The following TRIB3 variants were observed in gnomAD, a reference collection of about 807,000 sequenced individuals.
TRIB3 encodes the protein tribbles pseudokinase 3.
A neutral mutation model predicts 16.6 loss-of-function variants in TRIB3; 20 were observed. The ratio of observed to expected loss-of-function variants is 1.20; its 90% CI spans 0.85 to 1.75. The LOEUF (loss-of-function observed/expected upper bound fraction) is 1.75. Ranked by LOEUF, TRIB3 falls within the 40% of genes most tolerant of loss-of-function variation. The pLI is 0.00. For missense variants in TRIB3, 484 were observed against 488.9 expected, an observed-to-expected ratio of 0.99 and a Z score of 0.10; for synonymous variants, 208 against 217.0, an observed-to-expected ratio of 0.96 and a Z score of 0.36.
Position 388,206 on chromosome 20 carries a change from T to C in TRIB3, c.196T>C (p.Ser66Pro), listed in dbSNP as rs1336917158. The C allele has an allele frequency of 6.2e-7, 1 of 1,613,932 alleles. No individual in the cohort carries two copies. Among genetic ancestry groups the C allele is most frequent in the East Asian group, 2.2e-5 (1 of 44,870 alleles). Residue 66 changes from serine to proline, a missense_variant, in exon 2 of 4, where the codon TCC becomes CCC. Physicochemically the swap from Ser to Pro is moderately conservative, Grantham distance 74. Coordinates refer to ENST00000217233, the MANE Select transcript of TRIB3 (RefSeq NM_021158.5). ...TCGTGCAACTGCTGTGGCCACTGCC[T>C]CCCGTCTTGGGCCCTATGTCCTCCT... The part of the protein sequence containing the change: ...PDRATAVATA[S>P]RLGPYVLLEP...
intron 3 of TRIB3, among the ~76,000 whole-genome samples, chr20:394,820 CAT>C (rs2015082178): frequency 6.6e-6 from 1 of 151,712 alleles, no homozygotes; most frequent in African/African-American, 2.4e-5. Flanking sequence ...AGAAAAATCA[CAT>C]GAGAGTCATT....
rs1441491184 is a variant in TRIB3 at position 380,922 on chromosome 20, G to C, written c.-248G>C. The C allele has an allele frequency of 6.7e-6, 1 of 149,402 alleles. No individual in the cohort carries two copies. The highest frequency in any genetic ancestry group is 1.5e-5 in the Non-Finnish European group (1 of 67,792). The allele number at this position is 149,402 out of a possible 1,614,324, so 9.3% of individuals were successfully genotyped here. On this transcript the variant is annotated 5_prime_UTR_variant, in exon 1 of 4. Coordinates refer to ENST00000217233, the MANE Select transcript of TRIB3 (RefSeq NM_021158.5). Reference sequence around the variant, plus strand: ...TCACCCGGACCGGGGGATTAGCTCCGGTTTGCATCACCCGGACCGGGGGAT... The same window carrying C: ...TCACCCGGACCGGGGGATTAGCTCCCGTTTGCATCACCCGGACCGGGGGAT...
Position 380,902 on chromosome 20 carries a change from CGG to C in TRIB3, c.-267_-266del. The C allele has an allele frequency of 9.1e-6, 1 of 109,876 alleles. No homozygotes were observed. The highest frequency in any genetic ancestry group is 4.1e-5 in the African/African-American group (1 of 24,598). The allele number at this position is 109,876 out of a possible 1,614,324, so 6.8% of individuals were successfully genotyped here. On this transcript the variant is annotated 5_prime_UTR_variant, in exon 1 of 4. An upstream open reading frame in the 5' UTR gains an earlier in-frame stop. Coordinates refer to ENST00000217233, the MANE Select transcript of TRIB3 (RefSeq NM_021158.5). ...CTGATTAGCTCCGGTTTGCATCACC[CGG>C]ACCGGGGGATTAGCTCCGGTTTGCA... is the stretch of plus-strand genomic sequence containing the variant.
In TRIB3 at chr20:396,087, T is replaced by C; in HGVS notation, c.585-111T>C. ...ACATCACAGGACTGGCTTGTGTCTG[T>C]CAAAGGCCAGCAGGCACTTGGAAAG... is the stretch of plus-strand genomic sequence containing the variant. On this transcript the variant is annotated intron_variant, in intron 3 of 3. Coordinates refer to ENST00000217233, the MANE Select transcript of TRIB3 (RefSeq NM_021158.5). The C allele has an allele frequency of 3.4e-6, 5 of 1,484,556 alleles. No homozygotes were observed. In the South Asian group the frequency reaches 5.2e-5, roughly 16 times the overall value. The allele number at this position is 1,484,556 out of a possible 1,614,324, so 92.0% of individuals were successfully genotyped here.
intron 2 of TRIB3, among the ~76,000 whole-genome samples, chr20:388,816 G>C (rs553861459): frequency 6.6e-6 from 1 of 152,172 alleles, no homozygotes; most frequent in Admixed American, 6.5e-5. Context: ...CAAGAGAAGG[G>C]TAGGGCATGG....
intron 1 of TRIB3, chr20:381,376 T>TC (rs1323159882): frequency 1.3e-5 from 2 of 152,516 alleles, no homozygotes; most frequent in East Asian, 1.9e-4. Flanking sequence ...GGCTGAGTGC[T>TC]CCCCCCGGGC....
At chr20:396,140 G>T in intron 3 of TRIB3, 58 bp from the exon 4 acceptor site, 1 of 1,555,730 alleles carries the variant, frequency 6.4e-7, no homozygotes, top group Non-Finnish European at 8.7e-7. Context: ...ATAGCATGGG[G>T]TGGTGGCATG....
chr20:389,528 C>T (rs73565385), intron 2 of TRIB3, among the ~76,000 whole-genome samples: 1 of 152,274 alleles, frequency 6.6e-6, no homozygotes, highest in African/African-American at 2.4e-5. Flanking sequence ...AACAGCGGGG[C>T]AGATCCAGAC....
At chr20:383,759 G>A (rs146217340) in intron 1 of TRIB3, among the ~76,000 whole-genome samples, 73 of 152,162 alleles carry the variant, frequency 4.8e-4, no homozygotes, top group South Asian at 8.3e-4. Context: ...TTTTGATATT[G>A]TCAAAATGCA....
rs1476305025 is a variant in TRIB3, at chr20:396,754, C to T, written c.*64C>T. ...GAGTTTGGGGGTAGCTCCAAGCCTT[C>T]TCCTGCCTCTGAACTGAGCCAAACC... On this transcript the variant is annotated 3_prime_UTR_variant, in exon 4 of 4. Transcript: ENST00000217233. The T allele has an allele frequency of 2.0e-6, 3 of 1,538,050 alleles. No individual in the cohort carries two copies. The African/African-American group carries it at 4.1e-5, about 21-fold the overall frequency.
chr20:381,748 G>C (rs528752748), intron 1 of TRIB3, among the ~76,000 whole-genome samples: 40 of 152,204 alleles, frequency 2.6e-4, no homozygotes, highest in African/African-American at 8.9e-4. Flanking sequence ...GCCCTGGAGC[G>C]GGGGAGCCGA....
At chr20:381,965 C>A (rs2014667085) in intron 1 of TRIB3, among the ~76,000 whole-genome samples, 1 of 152,188 alleles carries the variant, frequency 6.6e-6, no homozygotes, top group Admixed American at 6.5e-5. Context: ...GCTTCAATTT[C>A]CGCTGAAACT....
In TRIB3 at chr20:386,139, C is replaced by T. The variant is rs150534765; in HGVS notation, c.1-1872C>T. 3.3e-5 allele frequency among the ~76,000 whole-genome samples: 5 copies of T among 152,228 alleles called. No individual in the cohort carries two copies. The East Asian group carries it at 9.6e-4, about 29-fold the overall frequency. On this transcript the variant is annotated intron_variant, in intron 1 of 3. Coordinates refer to ENST00000217233, the MANE Select transcript of TRIB3 (RefSeq NM_021158.5). ...ATGGCCTTCCAAAGTGCTAGGATTA[C>T]AGGTGTGGGCCACTGCACCTAGCCT...
Position 391,712 on chromosome 20 carries a change from G to C in TRIB3, c.584+133G>C, listed in dbSNP as rs903960145. On this transcript the variant is annotated intron_variant, in intron 3 of 3. Coordinates refer to ENST00000217233, the MANE Select transcript of TRIB3 (RefSeq NM_021158.5). ...GAAACTGAAGTAACCAGCAGCCCCT[G>C]TTTAGTTCCCTGAGAAGAGTTGACT... 3 of 1,240,276 alleles carry C rather than the reference G, an allele frequency of 2.4e-6. No homozygotes were observed. The Admixed American group carries it at 7.8e-5, about 32-fold the overall frequency. 76.8% of individuals were successfully genotyped at this position (1,240,276 alleles called of 1,614,324 possible).
At position 396,531 on chromosome 20, in the gene TRIB3, C is replaced by T. The variant is rs767908093; in HGVS notation, c.918C>T (p.Ala306=). 23 of 1,613,076 alleles carry T rather than the reference C, an allele frequency of 1.4e-5. No individual in the cohort carries two copies. The African/African-American group carries it at 2.9e-4, about 21-fold the overall frequency. ...LRREPAERLT[A]TGILLHPWLR... Reference sequence around the variant, plus strand: ...GGGAGCCAGCTGAACGGCTCACAGCCACAGGCATCCTCCTGCACCCCTGGC... The same window carrying T: ...GGGAGCCAGCTGAACGGCTCACAGCTACAGGCATCCTCCTGCACCCCTGGC... Residue 306 remains alanine (A), a synonymous_variant, in exon 4 of 4, where the codon GCC becomes GCT. Coordinates refer to ENST00000217233, the MANE Select transcript of TRIB3 (RefSeq NM_021158.5).
intron 1 of TRIB3, 21 bp from the exon 2 acceptor site, chr20:387,990 C>A: frequency 1.2e-6 from 2 of 1,603,936 alleles, no homozygotes; most frequent in South Asian, 1.1e-5. Context: ...CACTTTAGTG[C>A]TTTTCTCTCC....
At chr20:391,619 A>G in intron 3 of TRIB3, 40 bp downstream of exon 3, 1 of 1,582,116 alleles carries the variant, frequency 6.3e-7, no homozygotes, top group Non-Finnish European at 8.6e-7. Context: ...AGACACACCC[A>G]GGGGGTGGGC....
intron 1 of TRIB3, among the ~76,000 whole-genome samples, chr20:386,962 A>G (rs2014831152): frequency 6.6e-6 from 1 of 150,856 alleles, no homozygotes; most frequent in African/African-American, 2.4e-5. Flanking sequence ...CATGTTGGCC[A>G]GGCTGGTCTT....
chr20:389,496 C>T (rs959652386), intron 2 of TRIB3, among the ~76,000 whole-genome samples: 3 of 152,176 alleles, frequency 2.0e-5, no homozygotes, highest in Non-Finnish European at 2.9e-5. Context: ...CAGAGCTTTG[C>T]TCTGTTGACG....
Sources: gnomAD v4.1 joint callset for allele counts (sites outside exome capture counted in the v4.1 genomes callset) on GRCh38, gnomAD v4.1.1 for gene constraint, MANE v1.5 for transcripts, NCBI Gene and HGNC (gene_info 2026-07-23, HGNC 2026-07-21) for gene names.